Variants in TTC28 observed in about 807,000 individuals in gnomAD.
TTC28 encodes the protein tetratricopeptide repeat domain 28, also known as tetratricopeptide repeat protein 28.
In TTC28, 61 loss-of-function variants were observed where a neutral mutation model predicts 198.0. That is an observed-to-expected ratio of 0.31 (90% CI 0.25 to 0.38). The LOEUF is 0.38. TTC28 is among the 10% of genes least tolerant of loss of function. TTC28 has a pLI of 1.00. For synonymous variants in TTC28, 1,171 were observed against 1,297.8 expected (o/e 0.90, Z 2.10); for missense variants, 2,678 against 3,164.0 (o/e 0.85, Z 3.69).
intron 5 of TTC28, among the ~76,000 whole-genome samples, chr22:28,236,895 A>C (rs759109187): frequency 2.6e-5 from 4 of 152,180 alleles, no homozygotes; most frequent in Non-Finnish European, 5.9e-5. Flanking sequence ...ACATACAAGC[A>C]AATTCTAATG....
At chr22:28,339,181 G>A in intron 2 of TTC28, among the ~76,000 whole-genome samples, 1 of 152,180 alleles carries the variant, frequency 6.6e-6, no homozygotes, top group African/African-American at 2.4e-5. Context: ...GGAGGTTGCA[G>A]AACAGCGGAT....
chr22:28,049,080 G>A (rs1030316836), intron 12 of TTC28, among the ~76,000 whole-genome samples: 1 of 152,184 alleles, frequency 6.6e-6, no homozygotes, highest in African/African-American at 2.4e-5. Flanking sequence ...CAGGTGTGGA[G>A]GCACGGACCC....
chr22:27,998,327 T>G, intron 16 of TTC28: 1 of 784,350 alleles, frequency 1.3e-6, no homozygotes, highest in Non-Finnish European at 2.0e-6. Flanking sequence ...TGGCAAATGG[T>G]TCTGTTGCTC....
At chr22:28,471,654 C>T (rs1400497514) in intron 2 of TTC28, among the ~76,000 whole-genome samples, 1 of 152,022 alleles carries the variant, frequency 6.6e-6, no homozygotes, top group Non-Finnish European at 1.5e-5. Flanking sequence ...ACAAATTATC[C>T]CATAATACTC....
chr22:28,645,458 C>T (rs1185333609), intron 1 of TTC28, among the ~76,000 whole-genome samples: 1 of 151,698 alleles, frequency 6.6e-6, no homozygotes, highest in Non-Finnish European at 1.5e-5. Context: ...GAAACCCCAT[C>T]TCTACTAAAA....
chr22:28,557,782 C>G (rs1210209466), intron 2 of TTC28, among the ~76,000 whole-genome samples: 1 of 151,894 alleles, frequency 6.6e-6, no homozygotes, highest in African/African-American at 2.4e-5. Flanking sequence ...AGAAGGTTTT[C>G]CTTCAGAGAG....
intron 5 of TTC28, among the ~76,000 whole-genome samples, chr22:28,259,265 T>C (rs946204049): frequency 6.6e-6 from 1 of 152,272 alleles, no homozygotes; most frequent in East Asian, 1.9e-4. Context: ...CATCATAGAC[T>C]GTTCCTAGCC....
At chr22:28,400,603 C>A (rs1047125761) in intron 2 of TTC28, among the ~76,000 whole-genome samples, 1 of 152,148 alleles carries the variant, frequency 6.6e-6, no homozygotes. Flanking sequence ...CCTTATCCCA[C>A]ACATACAAAA....
intron 5 of TTC28, among the ~76,000 whole-genome samples, chr22:28,211,111 C>T (rs542817584): frequency 3.8e-4 from 58 of 152,184 alleles, no homozygotes; most frequent in East Asian, 1.5e-3. Flanking sequence ...CAGGCCTGCC[C>T]TAAAAGAGCT....
intron 2 of TTC28, among the ~76,000 whole-genome samples, chr22:28,337,540 T>C (rs1407699848): frequency 6.6e-6 from 1 of 152,254 alleles, no homozygotes; most frequent in Admixed American, 6.5e-5. Flanking sequence ...TGGGTGCATA[T>C]GTATTTAGGA....
intron 2 of TTC28, among the ~76,000 whole-genome samples, chr22:28,578,572 C>A (rs934546612): frequency 1.2e-4 from 19 of 152,100 alleles, no homozygotes; most frequent in African/African-American, 2.4e-5. Flanking sequence ...CAAAAAATCA[C>A]CTTTATAAGA....
At chr22:28,368,556 CAA>C (rs1393805975) in intron 2 of TTC28, among the ~76,000 whole-genome samples, 3 of 151,902 alleles carry the variant, frequency 2.0e-5, no homozygotes, top group Non-Finnish European at 4.4e-5. Context: ...AGCAATCAAA[CAA>C]GAGAGAGAAA....
intron 5 of TTC28, among the ~76,000 whole-genome samples, chr22:28,197,798 C>G (rs563279313): frequency 1.3e-5 from 2 of 151,994 alleles, no homozygotes; most frequent in East Asian, 3.9e-4. Flanking sequence ...GAGGATCTTT[C>G]GAGGAAAGGA....
intron 2 of TTC28, among the ~76,000 whole-genome samples, chr22:28,394,553 C>G (rs2046785101): frequency 6.6e-6 from 1 of 152,170 alleles, no homozygotes; most frequent in South Asian, 2.1e-4. Flanking sequence ...ATACAAGATT[C>G]AATTTACTGT....
chr22:28,374,981 G>T (rs995396904), intron 2 of TTC28, among the ~76,000 whole-genome samples: 1 of 151,672 alleles, frequency 6.6e-6, no homozygotes, highest in Admixed American at 6.6e-5. Flanking sequence ...TAAGCAACTC[G>T]GCAGGCTGAG....
chr22:28,606,975 GT>G (rs1347648472), intron 2 of TTC28, among the ~76,000 whole-genome samples: 1 of 152,124 alleles, frequency 6.6e-6, no homozygotes, highest in African/African-American at 2.4e-5. Context: ...TTGAGAAATG[GT>G]AAGTGCTGGA....
intron 2 of TTC28, among the ~76,000 whole-genome samples, chr22:28,591,036 CACACATATAT>C (rs1243356732): frequency 7.1e-3 from 206 of 29,152 alleles, no homozygotes; most frequent in Admixed American, 0.019. Context: ...CACACACACA[CACACATATAT>C]ATATATATAT....
At chr22:28,505,415 G>A (rs1332224174) in intron 2 of TTC28, among the ~76,000 whole-genome samples, 1 of 152,184 alleles carries the variant, frequency 6.6e-6, no homozygotes, top group Non-Finnish European at 1.5e-5. Flanking sequence ...CAGTGGAACT[G>A]TCTAGGCAAC....
chr22:28,188,565 A>G (rs980184696), intron 5 of TTC28, among the ~76,000 whole-genome samples: 9 of 152,216 alleles, frequency 5.9e-5, no homozygotes, highest in Non-Finnish European at 1.0e-4. Flanking sequence ...ACGGGGGCCA[A>G]GATGGGGGCC....
Sources: gnomAD v4.1 joint callset for allele counts (sites outside exome capture counted in the v4.1 genomes callset) on GRCh38, gnomAD v4.1.1 for gene constraint, MANE v1.5 for transcripts, NCBI Gene and HGNC (gene_info 2026-07-23, HGNC 2026-07-21) for gene names.